KAZN: variants seen among roughly 807,000 people sequenced by gnomAD.
The protein encoded by KAZN is kazrin, periplakin interacting protein.
Under a neutral mutation model 87.4 loss-of-function variants are expected in KAZN, and 40 were observed. The ratio of observed to expected loss-of-function variants is 0.46; its 90% CI spans 0.36 to 0.60. The LOEUF is 0.60. Ranked by LOEUF, KAZN falls within the 20% of genes least tolerant of loss-of-function variation. The probability of loss-of-function intolerance (pLI) is 0.00; values close to 1 mark genes in which losing one functional copy is unlikely to be tolerated. For synonymous variants in KAZN, 466 were observed against 458.3 expected (o/e 1.02, Z -0.22); for missense variants, 898 against 1,073.9 (o/e 0.84, Z 2.29).
chr1:14,762,492 G>A (rs1644766776), intron 1 of KAZN, among the ~76,000 whole-genome samples: 3 of 53,652 alleles, frequency 5.6e-5, no homozygotes, highest in African/African-American at 1.1e-4. Flanking sequence ...TTGGGAGGCC[G>A]AGGTGGGAGG....
intron 1 of KAZN, among the ~76,000 whole-genome samples, chr1:14,691,142 T>C (rs557345361): frequency 3.6e-4 from 55 of 152,292 alleles, no homozygotes; most frequent in African/African-American, 1.2e-3. Flanking sequence ...TTTTAAAGCT[T>C]TGGGGATTTT....
chr1:13,974,274 T>C (rs1370898553), intron 1 of KAZN, among the ~76,000 whole-genome samples: 1 of 152,254 alleles, frequency 6.6e-6, no homozygotes, highest in Non-Finnish European at 1.5e-5. Context: ...ACAAACAATC[T>C]AGGCATAATG....
chr1:14,600,181 C>A (rs1433889461), intron 1 of KAZN, among the ~76,000 whole-genome samples: 1 of 152,142 alleles, frequency 6.6e-6, no homozygotes, highest in Non-Finnish European at 1.5e-5. Flanking sequence ...GCAAATTAAA[C>A]TGCTGAAATC....
chr1:14,768,052 C>T (rs1384088944), intron 1 of KAZN, among the ~76,000 whole-genome samples: 3 of 152,142 alleles, frequency 2.0e-5, no homozygotes, highest in African/African-American at 2.4e-5. Context: ...CGTATGTCGC[C>T]GTCGAGATTT....
At chr1:15,053,536 G>A (rs999922415) in intron 4 of KAZN, among the ~76,000 whole-genome samples, 4 of 152,162 alleles carry the variant, frequency 2.6e-5, no homozygotes, top group Non-Finnish European at 5.9e-5. Context: ...GGGTGCTGGG[G>A]ACTCTGGTGA....
intron 2 of KAZN, among the ~76,000 whole-genome samples, chr1:14,555,332 G>A (rs1420806476): frequency 1.3e-5 from 2 of 152,158 alleles, no homozygotes; most frequent in Non-Finnish European, 2.9e-5. Flanking sequence ...ATAGGCAAAA[G>A]GGACATTTAG....
intron 1 of KAZN, among the ~76,000 whole-genome samples, chr1:14,816,667 A>G (rs1035436724): frequency 6.6e-6 from 1 of 152,260 alleles, no homozygotes; most frequent in Admixed American, 6.5e-5. Context: ...AGATATATTT[A>G]CATGTAGAGA....
chr1:14,303,586 T>C (rs777240943), intron 2 of KAZN, among the ~76,000 whole-genome samples: 9 of 152,132 alleles, frequency 5.9e-5, no homozygotes, highest in Non-Finnish European at 1.2e-4. Context: ...ATCATTCTGA[T>C]ACACAACAAA....
At chr1:14,014,178 AG>A (rs1345472113) in intron 1 of KAZN, among the ~76,000 whole-genome samples, 3 of 152,028 alleles carry the variant, frequency 2.0e-5, no homozygotes, top group African/African-American at 7.2e-5. Context: ...TGTATCCGGG[AG>A]GAAGGCTTGG....
At chr1:14,730,722 A>G (rs556282154) in intron 1 of KAZN, among the ~76,000 whole-genome samples, 2 of 152,272 alleles carry the variant, frequency 1.3e-5, no homozygotes, top group East Asian at 3.9e-4. Flanking sequence ...TTTCCCATGC[A>G]AGTGCCCCAA....
rs1047932990 is a variant in KAZN at position 14,769,722 on chromosome 1, G to A, written c.226+170499G>A. On this transcript the variant is annotated intron_variant, in intron 1 of 14. Coordinates refer to ENST00000376030, the MANE Select transcript of KAZN (RefSeq NM_201628.3). The surrounding 1 kb of genome is among the most constrained non-coding windows in gnomAD (Gnocchi z 4.1). ...TAAGTGATTGCGGGAAATTAACACT[G>A]GTCCTTCATTCGTTCATTTAGTCAG... Among the ~76,000 whole-genome samples the A allele has an allele frequency of 6.6e-6, 1 of 152,166 alleles. No individual in the cohort carries two copies. The highest frequency in any genetic ancestry group is 6.5e-5 in the Admixed American group (1 of 15,284).
intron 2 of KAZN, among the ~76,000 whole-genome samples, chr1:14,249,490 T>C (rs2100606659): frequency 1.3e-5 from 2 of 152,306 alleles, no homozygotes; most frequent in South Asian, 2.1e-4. Flanking sequence ...TACTACAAGA[T>C]TCAAGCATTC....
At chr1:13,931,956 A>G (rs1372112783) in intron 1 of KAZN, among the ~76,000 whole-genome samples, 4 of 147,254 alleles carry the variant, frequency 2.7e-5, no homozygotes, top group Non-Finnish European at 6.0e-5. Flanking sequence ...TCCTGCCTCA[A>G]CCTCCCTCCC....
At chr1:14,301,262 A>G (rs564844150) in intron 2 of KAZN, among the ~76,000 whole-genome samples, 2 of 152,306 alleles carry the variant, frequency 1.3e-5, no homozygotes, top group East Asian at 1.9e-4. Flanking sequence ...TCTGATGACA[A>G]TGGCATCTGC....
At chr1:15,068,514 C>T (rs1428486653) in intron 8 of KAZN, among the ~76,000 whole-genome samples, 1 of 152,118 alleles carries the variant, frequency 6.6e-6, no homozygotes, top group African/African-American at 2.4e-5. Context: ...GGAGCCTGTG[C>T]TTTGGGGCGT....
At chr1:15,072,992 C>T (rs1639580700) in intron 8 of KAZN, among the ~76,000 whole-genome samples, 1 of 152,210 alleles carries the variant, frequency 6.6e-6, no homozygotes, top group Non-Finnish European at 1.5e-5. Flanking sequence ...GGTTTGCAAA[C>T]TGTGTTCCAT....
intron 1 of KAZN, among the ~76,000 whole-genome samples, chr1:14,720,755 C>T (rs1392152614): frequency 6.6e-6 from 1 of 152,116 alleles, no homozygotes; most frequent in Non-Finnish European, 1.5e-5. Context: ...CTCACTCTGT[C>T]GCCCAGGCTG....
At chr1:14,172,936 G>T (rs1570934388) in intron 1 of KAZN, among the ~76,000 whole-genome samples, 1 of 152,282 alleles carries the variant, frequency 6.6e-6, no homozygotes, top group African/African-American at 2.4e-5. Context: ...GCGGTCTCAG[G>T]TGCCTCAGAC....
intron 2 of KAZN, among the ~76,000 whole-genome samples, chr1:14,989,662 C>T (rs968802595): frequency 1.3e-5 from 2 of 152,180 alleles, no homozygotes; most frequent in African/African-American, 2.4e-5. Flanking sequence ...TCAGTTGGTT[C>T]ATCTGCAGTG....
Sources: allele counts gnomAD v4.1 joint callset (sites outside exome capture counted in the v4.1 genomes callset), GRCh38; gene constraint gnomAD v4.1.1; non-coding constraint Gnocchi (gnomAD v3.1); transcripts MANE v1.5; gene names NCBI Gene and HGNC (gene_info 2026-07-23, HGNC 2026-07-21).